The following PCDHGB1 variants were observed in gnomAD, a reference collection of about 807,000 sequenced individuals.
The protein encoded by PCDHGB1 is protocadherin gamma subfamily B, 1, also known as protocadherin gamma-B1.
In PCDHGB1, 34 loss-of-function variants were observed where a neutral mutation model predicts 56.6. The observed-to-expected ratio is 0.60, with a 90% confidence interval of 0.46 to 0.80. The LOEUF (loss-of-function observed/expected upper bound fraction) is 0.80. Ranked by LOEUF, PCDHGB1 falls within the 30% of genes least tolerant of loss-of-function variation. PCDHGB1 has a pLI of 0.00. For synonymous variants in PCDHGB1, 561 were observed against 505.9 expected (o/e 1.11, Z -1.46); for missense variants, 1,278 against 1,204.6 (o/e 1.06, Z -0.90).
At chr5:141,409,573 C>T (rs562811168) in intron 1 of PCDHGB1, 4 of 1,613,934 alleles carry the variant, frequency 2.5e-6, no homozygotes, top group African/African-American at 2.7e-5. Flanking sequence ...AGACGTCCTA[C>T]GTGGTCCACG....
Position 141,362,245 on chromosome 5 carries a change from T to C in PCDHGB1, c.2409+9576T>C, listed in dbSNP as rs767098802. On this transcript the variant is annotated intron_variant, in intron 1 of 3. Coordinates refer to ENST00000523390, the MANE Select transcript of PCDHGB1 (RefSeq NM_018922.3). ...CTTGGCCTTGATCTCAGTGCTCTTC[T>C]TCCTCGCGGTGATTCTGGCAATCTC... 6.8e-6 allele frequency: 11 copies of C among 1,613,926 alleles called. No individual in the cohort carries two copies. The African/African-American group carries it at 1.2e-4, about 18-fold the overall frequency.
intron 1 of PCDHGB1, chr5:141,426,496 G>A: frequency 3.0e-6 from 1 of 337,022 alleles, no homozygotes; most frequent in South Asian, 2.4e-5. Flanking sequence ...AGTTAGTGCA[G>A]AGAAACAATA....
At chr5:141,389,408 G>A (rs2091745894) in intron 1 of PCDHGB1, 6 of 1,613,494 alleles carry the variant, frequency 3.7e-6, no homozygotes, top group Admixed American at 1.7e-5. Flanking sequence ...TAAGCGCGGA[G>A]AGCGGGGTGG....
At chr5:141,373,589 G>A (rs1769704620) in intron 1 of PCDHGB1, among the ~76,000 whole-genome samples, 2 of 152,242 alleles carry the variant, frequency 1.3e-5, no homozygotes, top group African/African-American at 2.4e-5. Flanking sequence ...GTGGTGAAAT[G>A]TGATGATAAT....
intron 1 of PCDHGB1, chr5:141,379,708 G>T (rs1048011684): frequency 2.0e-5 from 3 of 151,950 alleles, no homozygotes; most frequent in Non-Finnish European, 2.9e-5. Flanking sequence ...AAACATCCTG[G>T]CAGTCATGGA....
chr5:141,428,029 C>T (rs775747505), intron 1 of PCDHGB1: 1 of 1,607,160 alleles, frequency 6.2e-7, no homozygotes, highest in Non-Finnish European at 8.5e-7. Flanking sequence ...GCCGCAGAGT[C>T]CGGCTACCTG....
In PCDHGB1 at chr5:141,354,915, T is replaced by TA. The variant is rs1175574849; in HGVS notation, c.2409+2252dup. The TA allele has an allele frequency of 3.3e-4, 134 of 411,254 alleles. No homozygotes were observed. The East Asian group carries it at 4.7e-3, about 15-fold the overall frequency. 25.5% of individuals were successfully genotyped at this position (411,254 alleles called of 1,614,324 possible). A position where few individuals can be genotyped will look rare whatever the true frequency, so the allele number is the denominator to read the frequency against. On this transcript the variant is annotated intron_variant, in intron 1 of 3. Coordinates refer to ENST00000523390, the MANE Select transcript of PCDHGB1 (RefSeq NM_018922.3). ...GGAGAAATAGGAATAGAAAAGTGTA[T>TA]AAAAAATAAACTTTTTTTAACCAAG...
rs373558342 is a variant in PCDHGB1 at position 141,374,559 on chromosome 5, A to C, written c.2409+21890A>C. 1.1e-4 allele frequency: 170 copies of C among 1,613,544 alleles called. No homozygotes were observed. The highest frequency in any genetic ancestry group is 1.3e-4 in the Non-Finnish European group (153 of 1,179,694). ...CGTTTTCCACTAATGGAGGTCTATG[A>C]CCCTGATGTGGGAATGAACTCCCTT... is the stretch of plus-strand genomic sequence containing the variant. On this transcript the variant is annotated intron_variant, in intron 1 of 3. Coordinates refer to ENST00000523390, the MANE Select transcript of PCDHGB1 (RefSeq NM_018922.3).
chr5:141,357,656 A>G, intron 1 of PCDHGB1: 1 of 1,605,850 alleles, frequency 6.2e-7, no homozygotes, highest in Non-Finnish European at 8.5e-7. Flanking sequence ...TACCACACTG[A>G]AATATAGACA....
At chr5:141,441,744 G>A (rs913393900) in intron 1 of PCDHGB1, 7 of 366,408 alleles carry the variant, frequency 1.9e-5, no homozygotes, top group African/African-American at 1.1e-4. Context: ...GCTCGCGCTC[G>A]GCGTCAACGT....
chr5:141,394,980 C>T, intron 1 of PCDHGB1: 2 of 1,614,012 alleles, frequency 1.2e-6, no homozygotes, highest in Non-Finnish European at 1.7e-6. Flanking sequence ...GCACAAGTCA[C>T]GCCTGCTCCA....
At chr5:141,367,450 T>C (rs1038206449) in intron 1 of PCDHGB1, 8 of 152,070 alleles carry the variant, frequency 5.3e-5, no homozygotes, top group African/African-American at 1.4e-4. Flanking sequence ...GGCAGGAGAA[T>C]GGGGTGAACC....
At chr5:141,366,944 T>C in intron 1 of PCDHGB1, 1 of 777,882 alleles carries the variant, frequency 1.3e-6, no homozygotes, top group South Asian at 2.1e-5. Flanking sequence ...GTCTAGCTGA[T>C]ATCTGTAGAC....
intron 1 of PCDHGB1, among the ~76,000 whole-genome samples, chr5:141,433,697 CGTG>C (rs1176871032): frequency 6.6e-6 from 1 of 152,020 alleles, no homozygotes; most frequent in Non-Finnish European, 1.5e-5. Context: ...ATTAGCCGGG[CGTG>C]GTGGTGCATG....
At chr5:141,365,572 G>A (rs543051313) in intron 1 of PCDHGB1, 3 of 1,613,640 alleles carry the variant, frequency 1.9e-6, no homozygotes, top group Admixed American at 3.3e-5. Flanking sequence ...ACAGAGAAGA[G>A]ACTTCAGATT....
rs2099085120 is a variant in PCDHGB1, at chr5:141,464,455, T to C, written c.2410-30352T>C. Among the ~76,000 whole-genome samples, 2 of 151,794 alleles carry C rather than the reference T, an allele frequency of 1.3e-5. 1 individual carries two copies. Among genetic ancestry groups the C allele is most frequent in the Non-Finnish European group, 2.9e-5 (2 of 67,958 alleles). On this transcript the variant is annotated intron_variant, in intron 1 of 3. Coordinates refer to ENST00000523390, the MANE Select transcript of PCDHGB1 (RefSeq NM_018922.3). ...TATATGTTTGTTGTTGTTGTTGTTA[T>C]TTTTGAAGTATGTACGTATAATAAA...
Position 141,375,991 on chromosome 5 carries a change from C to A in PCDHGB1, c.2409+23322C>A, listed in dbSNP as rs770239249. 2 of 1,613,448 alleles carry A rather than the reference C, an allele frequency of 1.2e-6. No homozygotes were observed. The highest frequency in any genetic ancestry group is 2.7e-5 in the African/African-American group (2 of 75,068). On this transcript the variant is annotated intron_variant, in intron 1 of 3. Transcript: ENST00000523390. ...CGGCGCGCGCCCTGCTGGACAGAGA[C>A]GCGCTCAAGCAGAGCCTAGTGGTGG...
intron 1 of PCDHGB1, chr5:141,411,017 A>C (rs140607036): frequency 6.2e-6 from 1 of 162,372 alleles, no homozygotes; most frequent in Non-Finnish European, 1.3e-5. Context: ...CCACAGCTAA[A>C]TTTTTTGTAT....
intron 1 of PCDHGB1, chr5:141,371,744 C>G (rs759273098): frequency 1.4e-5 from 23 of 1,613,922 alleles, no homozygotes; most frequent in East Asian, 8.9e-5. Flanking sequence ...ACAACGTTCC[C>G]GTTTTCCACC....
Sources: gnomAD v4.1 joint callset for allele counts (sites outside exome capture counted in the v4.1 genomes callset) on GRCh38, gnomAD v4.1.1 for gene constraint, MANE v1.5 for transcripts, NCBI Gene and HGNC (gene_info 2026-07-23, HGNC 2026-07-21) for gene names.